ADGRB3: variants seen among roughly 807,000 people sequenced by gnomAD.
ADGRB3 encodes brain-specific angiogenesis inhibitor 3.
ADGRB3 carries 37 observed loss-of-function variants against 193.4 expected under a neutral mutation model. The ratio of observed to expected loss-of-function variants is 0.19; its 90% CI spans 0.15 to 0.25. The LOEUF is 0.25. ADGRB3 is among the 10% of genes least tolerant of loss of function. The pLI is 1.00. For synonymous variants in ADGRB3, 690 were observed against 644.2 expected (o/e 1.07, Z -1.08); for missense variants, 1,637 against 1,852.9 (o/e 0.88, Z 2.14).
intron 3 of ADGRB3, among the ~76,000 whole-genome samples, chr6:68,760,613 G>A (rs147383863): frequency 2.0e-5 from 3 of 152,178 alleles, no homozygotes; most frequent in East Asian, 3.9e-4. Flanking sequence ...AACAACAAAC[G>A]TAATGTCTAC....
intron 3 of ADGRB3, among the ~76,000 whole-genome samples, chr6:68,856,774 G>A (rs1436170331): frequency 6.6e-6 from 1 of 152,222 alleles, no homozygotes; most frequent in Non-Finnish European, 1.5e-5. Context: ...GGAGCTGAAT[G>A]TTAATCCCCA....
intron 17 of ADGRB3, among the ~76,000 whole-genome samples, chr6:69,121,261 G>T (rs1044839954): frequency 2.0e-5 from 3 of 152,174 alleles, no homozygotes; most frequent in Admixed American, 6.5e-5. Flanking sequence ...ATCTTGCACC[G>T]CCCTTAATCC....
rs976377811 is a variant in ADGRB3, at chr6:68,956,630, A to T, written c.1361-15A>T. 1.2e-6 allele frequency: 2 copies of T among 1,613,564 alleles called. No homozygotes were observed. The highest frequency in any genetic ancestry group is 2.7e-5 in the African/African-American group (2 of 74,872). On this transcript the variant is annotated splice_polypyrimidine_tract_variant and intron_variant, in intron 7 of 31. Transcript: ENST00000370598. Reference sequence around the variant, plus strand: ...TGGTAGATGACTGACATTGACCATGAAACATTTCTTTCAGCCAATGGTCAA... The same window carrying T: ...TGGTAGATGACTGACATTGACCATGTAACATTTCTTTCAGCCAATGGTCAA...
intron 17 of ADGRB3, among the ~76,000 whole-genome samples, chr6:69,172,369 C>T (rs958480199): frequency 1.3e-5 from 2 of 151,794 alleles, no homozygotes; most frequent in African/African-American, 2.4e-5. Flanking sequence ...ACAGGCCAGG[C>T]GCAGTGGCTC....
intron 13 of ADGRB3, among the ~76,000 whole-genome samples, chr6:69,043,566 G>C (rs2150299974): frequency 6.6e-6 from 1 of 152,280 alleles, no homozygotes; most frequent in South Asian, 2.1e-4. Flanking sequence ...GACATACTGT[G>C]GGGTAGTTCT....
intron 5 of ADGRB3, 96 bp from the exon 6 acceptor site, chr6:68,943,734 G>A: frequency 1.0e-6 from 1 of 998,494 alleles, no homozygotes; most frequent in Admixed American, 2.5e-5. Flanking sequence ...CTTTACATTT[G>A]TCTATTTAAT....
intron 13 of ADGRB3, among the ~76,000 whole-genome samples, chr6:69,028,963 C>G (rs1770525727): frequency 6.6e-6 from 1 of 152,194 alleles, no homozygotes; most frequent in Non-Finnish European, 1.5e-5. Flanking sequence ...ATTTACTCCT[C>G]ACAACCTTTC....
At chr6:68,877,228 ATAAT>A in intron 3 of ADGRB3, among the ~76,000 whole-genome samples, 1 of 151,960 alleles carries the variant, frequency 6.6e-6, no homozygotes, top group African/African-American at 2.4e-5. Flanking sequence ...TTCTTTATAA[ATAAT>A]CTACGTACTT....
At chr6:68,837,852 C>T (rs1039068653) in intron 3 of ADGRB3, among the ~76,000 whole-genome samples, 3 of 152,148 alleles carry the variant, frequency 2.0e-5, no homozygotes, top group Admixed American at 1.3e-4. Context: ...ATCCTGCTGT[C>T]TATGGATTTA....
chr6:68,917,000 T>C (rs1282162551), intron 3 of ADGRB3, among the ~76,000 whole-genome samples: 1 of 152,158 alleles, frequency 6.6e-6, no homozygotes, highest in Non-Finnish European at 1.5e-5. Context: ...GCAGAAATGC[T>C]GGGGGTTGGG....
chr6:69,221,974 A>C (rs1338974285), intron 17 of ADGRB3, among the ~76,000 whole-genome samples: 2 of 152,200 alleles, frequency 1.3e-5, no homozygotes, highest in Non-Finnish European at 2.9e-5. Context: ...AACTTCTTAA[A>C]ATCTTAACAG....
chr6:69,010,799 CA>C lies in ADGRB3; in HGVS notation c.1930-3231del, dbSNP rs1180522614. Reference sequence around the variant, plus strand: ...AAAAAAAAAAAAAAAAATCAAAAAACAAAAAAAAGCAAAAAAATGAGACAAA... The same window carrying C: ...AAAAAAAAAAAAAAAAATCAAAAAACAAAAAAAGCAAAAAAATGAGACAAA... On this transcript the variant is annotated intron_variant, in intron 11 of 31. Coordinates refer to ENST00000370598, the MANE Select transcript of ADGRB3 (RefSeq NM_001704.3). Among the ~76,000 whole-genome samples the C allele has an allele frequency of 2.7e-3, 400 of 145,770 alleles. 1 individual carries two copies. Among genetic ancestry groups the C allele is most frequent in the African/African-American group, 9.8e-3 (390 of 39,940 alleles).
intron 20 of ADGRB3, among the ~76,000 whole-genome samples, chr6:69,259,906 A>G (rs1010869075): frequency 6.6e-6 from 1 of 152,156 alleles, no homozygotes; most frequent in Non-Finnish European, 1.5e-5. Context: ...GGTTATAATA[A>G]GCCTAACTAC....
chr6:69,377,967 T>C (rs965084192), intron 30 of ADGRB3, among the ~76,000 whole-genome samples: 2 of 152,102 alleles, frequency 1.3e-5, no homozygotes, highest in African/African-American at 4.8e-5. Flanking sequence ...ACCTCTTTTA[T>C]AGAAGAAGAG....
chr6:68,797,232 G>A (rs921773079), intron 3 of ADGRB3, among the ~76,000 whole-genome samples: 1 of 152,136 alleles, frequency 6.6e-6, no homozygotes, highest in Non-Finnish European at 1.5e-5. Context: ...CACGACTCCT[G>A]CCCCCTAGCA....
intron 12 of ADGRB3, among the ~76,000 whole-genome samples, chr6:69,017,799 A>G (rs1280631196): frequency 6.6e-6 from 1 of 151,956 alleles, no homozygotes; most frequent in Middle Eastern, 3.2e-3. Context: ...AAATATGGAC[A>G]ATAATCCCAT....
intron 17 of ADGRB3, among the ~76,000 whole-genome samples, chr6:69,191,639 G>C (rs1765189767): frequency 6.6e-6 from 1 of 152,102 alleles, no homozygotes; most frequent in Non-Finnish European, 1.5e-5. Context: ...AGTTCAGAAA[G>C]AGAACTGCAT....
At chr6:68,682,863 T>C (rs768111114) in intron 3 of ADGRB3, among the ~76,000 whole-genome samples, 18 of 151,900 alleles carry the variant, frequency 1.2e-4, no homozygotes, top group Non-Finnish European at 2.6e-4. Context: ...CTGCAACCTC[T>C]GCTTCCCGGG....
intron 3 of ADGRB3, among the ~76,000 whole-genome samples, chr6:68,786,890 C>G (rs980158020): frequency 2.3e-4 from 35 of 151,816 alleles, no homozygotes; most frequent in African/African-American, 8.2e-4. Context: ...AGTTGGATTC[C>G]TAGGTATTTT....
Sources: allele counts gnomAD v4.1 joint callset (sites outside exome capture counted in the v4.1 genomes callset), GRCh38; gene constraint gnomAD v4.1.1; transcripts MANE v1.5; gene names NCBI Gene and HGNC (gene_info 2026-07-23, HGNC 2026-07-21).